The following ATAD3A variants were observed in gnomAD, a reference collection of about 807,000 sequenced individuals.
ATAD3A encodes ATPase family AAA domain containing 3A.
In ATAD3A, 46 loss-of-function variants were observed where a neutral mutation model predicts 73.8. The observed-to-expected ratio is 0.62, with a 90% CI of 0.49 to 0.80. The LOEUF is 0.80. ATAD3A is among the 30% of genes least tolerant of loss of function. The pLI is 0.00. For synonymous variants in ATAD3A, 319 were observed against 350.0 expected, an observed-to-expected ratio of 0.91 and a Z score of 0.99; for missense variants, 705 against 838.0, an observed-to-expected ratio of 0.84 and a Z score of 1.96.
In ATAD3A at chr1:1,534,439, T is replaced by G; in HGVS notation, c.*367T>G. The stretch of plus-strand genomic sequence containing the variant: ...GCAGGAGCCAGGCAGGTGATGTCTT[T>G]GTTCTCGGCTCCCACAGCAGAGCCA... On this transcript the variant is annotated 3_prime_UTR_variant, in exon 16 of 16. Transcript: ENST00000378756. 8.1e-7 allele frequency: 1 copy of G among 1,242,178 alleles called. No homozygotes were observed. Among genetic ancestry groups the G allele is most frequent in the South Asian group, 2.5e-5 (1 of 40,646 alleles). 76.9% of individuals were successfully genotyped at this position (1,242,178 alleles called of 1,614,324 possible).
intron 1 of ATAD3A, 24 bp downstream of exon 1, chr1:1,512,497 C>A: frequency 1.4e-6 from 1 of 736,494 alleles, no homozygotes. Flanking sequence ...GGCGGGGCGG[C>A]GCGGGCGGGC....
At chr1:1,528,832 C>G (rs1225967519) in intron 14 of ATAD3A, among the ~76,000 whole-genome samples, 1 of 152,260 alleles carries the variant, frequency 6.6e-6, no homozygotes, top group Non-Finnish European at 1.5e-5. Flanking sequence ...ATGCCCTCCC[C>G]TTCCCTGGGC....
At chr1:1,526,212 G>A (rs1641837966) in intron 12 of ATAD3A, among the ~76,000 whole-genome samples, 1 of 151,838 alleles carries the variant, frequency 6.6e-6, no homozygotes, top group Admixed American at 6.6e-5. Flanking sequence ...GTAGAGACGG[G>A]GTCTCACCAT....
rs1361618954 is a variant in ATAD3A, at chr1:1,520,773, C to T, written c.750+156C>T. On this transcript the variant is annotated intron_variant, in intron 7 of 15. Transcript: ENST00000378756. This position sits in a 1 kb window ranked among gnomAD's most constrained non-coding sequence, Gnocchi z 4.0. ...GTTGTACCTGCTGGCCTCGGCTTCT[C>T]CTCCCTTCTCAAGCTGGGAGAAGAA... 6.6e-6 allele frequency among the ~76,000 whole-genome samples: 1 copy of T among 152,206 alleles called. No individual in the cohort carries two copies. The highest frequency in any genetic ancestry group is 1.5e-5 in the Non-Finnish European group (1 of 68,034).
intron 4 of ATAD3A, 150 bp downstream of exon 4, chr1:1,517,925 G>A (rs1323377538): frequency 1.5e-5 from 15 of 998,336 alleles, no homozygotes; most frequent in East Asian, 2.4e-5. Flanking sequence ...GGACAGACAC[G>A]CACCAGCACA....
chr1:1,523,647 T>G lies in ATAD3A; in HGVS notation c.963+80T>G. On this transcript the variant is annotated intron_variant, in intron 9 of 15. Transcript: ENST00000378756. The surrounding 1 kb of genome is among the most constrained non-coding windows in gnomAD (Gnocchi z 5.1). ...GCCGGGCTGTGGCCCTTGCTGGCGC[T>G]CGTGGTGGCACCCAGGAGCTTTTGG... 1 of 1,604,190 alleles carries G rather than the reference T, an allele frequency of 6.2e-7. No homozygotes were observed. Among genetic ancestry groups the G allele is most frequent in the South Asian group, 1.1e-5 (1 of 90,282 alleles).
rs774297010 is a variant in ATAD3A, at chr1:1,522,886, G to A, written c.893G>A (p.Arg298Gln). Reference protein sequence around the residue: ...TSRITVLEALRHPIQVSRRLL... With the variant: ...TSRITVLEALQHPIQVSRRLL... ...CGCATCACGGTGCTTGAGGCGCTGC[G>A]GCACCCCATCCAGGTAGCAGCGCAG... The change falls in exon 8 of 16, where the codon CGG becomes CAG. Residue 298 changes from arginine (R) to glutamine (Q), a missense_variant. Around this residue, in one of 5 missense-constraint regions of ATAD3A, gnomAD observed 315 missense variants for 334.1 expected, o/e 0.94. Coordinates refer to ENST00000378756, the MANE Select transcript of ATAD3A (RefSeq NM_001170535.3). 2.5e-6 allele frequency: 4 copies of A among 1,608,274 alleles called. No homozygotes were observed. Among genetic ancestry groups the A allele is most frequent in the African/African-American group, 1.4e-5 (1 of 73,594 alleles).
At chr1:1,518,153 C>G (rs1257180054) in intron 4 of ATAD3A, among the ~76,000 whole-genome samples, 1 of 150,220 alleles carries the variant, frequency 6.7e-6, no homozygotes, top group Non-Finnish European at 1.5e-5. Context: ...AAACATACCC[C>G]CACACAACAC....
chr1:1,523,097 G>C lies in ATAD3A; in HGVS notation c.906+198G>C, dbSNP rs1255006678. On this transcript the variant is annotated intron_variant, in intron 8 of 15. Coordinates refer to ENST00000378756, the MANE Select transcript of ATAD3A (RefSeq NM_001170535.3). The surrounding 1 kb of genome is among the most constrained non-coding windows in gnomAD (Gnocchi z 5.1). ...CATCAGTGAGACCCTTCCCCTGTCTGCCTCGGTGTCCCCTGCTCAGGGCTC... is the reference window on the plus strand; with the variant it reads ...CATCAGTGAGACCCTTCCCCTGTCTCCCTCGGTGTCCCCTGCTCAGGGCTC... 1.3e-5 allele frequency among the ~76,000 whole-genome samples: 2 copies of C among 151,920 alleles called. No individual in the cohort carries two copies. Among genetic ancestry groups the C allele is most frequent in the African/African-American group, 4.8e-5 (2 of 41,260 alleles).
chr1:1,528,686 C>A (rs1435762544), intron 14 of ATAD3A, among the ~76,000 whole-genome samples: 1 of 152,254 alleles, frequency 6.6e-6, no homozygotes, highest in Non-Finnish European at 1.5e-5. Context: ...TTCTTGGCGT[C>A]CCCCGGGCCC....
Position 1,534,244 on chromosome 1 carries a change from C to G in ATAD3A, c.*172C>G. 1 of 1,495,464 alleles carries G rather than the reference C, an allele frequency of 6.7e-7. No homozygotes were observed. The highest frequency in any genetic ancestry group is 8.9e-7 in the Non-Finnish European group (1 of 1,126,604). 92.6% of individuals were successfully genotyped at this position (1,495,464 alleles called of 1,614,324 possible). On this transcript the variant is annotated 3_prime_UTR_variant, in exon 16 of 16. Coordinates refer to ENST00000378756, the MANE Select transcript of ATAD3A (RefSeq NM_001170535.3). ...GGGTCGGCCGTTCTGCCCCCCAGGG[C>G]ACCCCCTGTTGTAGGCACTGGCTAG...
Position 1,522,815 on chromosome 1 carries a change from C to T in ATAD3A, c.822C>T (p.Phe274=). 6.2e-7 allele frequency: 1 copy of T among 1,611,134 alleles called. No homozygotes were observed. Among genetic ancestry groups the T allele is most frequent in the Non-Finnish European group, 8.5e-7 (1 of 1,179,768 alleles). ...AKNATLVAGR[F]IEARLGKPSL... is the part of the protein sequence containing the mutation. ...ATGCCACGCTTGTCGCCGGCCGCTT[C>T]ATCGAGGCTCGGCTGGGGAAGCCGT... The change falls in exon 8 of 16, where the codon TTC becomes TTT. Residue 274 remains phenylalanine, a synonymous_variant. Transcript: ENST00000378756.
chr1:1,513,862 G>A (rs1043079680), intron 1 of ATAD3A, among the ~76,000 whole-genome samples: 8 of 152,088 alleles, frequency 5.3e-5, no homozygotes, highest in African/African-American at 1.7e-4. Flanking sequence ...CCAGGCAAAC[G>A]GGCGGCTCCT....
chr1:1,514,410 G>A (rs573059887), intron 1 of ATAD3A, among the ~76,000 whole-genome samples: 208 of 152,058 alleles, frequency 1.4e-3, no homozygotes, highest in African/African-American at 4.8e-3. Context: ...GCCCGGGGTC[G>A]CTTCAGCCCT....
Position 1,525,277 on chromosome 1 carries a change from C to G in ATAD3A, c.1252C>G (p.Arg418Gly). 6.2e-7 allele frequency: 1 copy of G among 1,613,786 alleles called. No individual in the cohort carries two copies. Among genetic ancestry groups the G allele is most frequent in the Non-Finnish European group, 8.5e-7 (1 of 1,179,984 alleles). The change falls in exon 12 of 16, where the codon CGG becomes GGG. Residue 418 changes from arginine to glycine, a missense_variant. Transcript: ENST00000378756. ...TGTGGATGAAGCGGACGCCTTCCTT[C>G]GGAAGCGAGCCACCGTGAGTGTCAC... ...LFVDEADAFLRKRATEKISED... is the reference protein window; with the variant it reads ...LFVDEADAFLGKRATEKISED...
At chr1:1,527,926 A>G in intron 14 of ATAD3A, 64 bp downstream of exon 14, 2 of 1,490,220 alleles carry the variant, frequency 1.3e-6, no homozygotes, top group Non-Finnish European at 1.8e-6. Flanking sequence ...CCCGACCCAC[A>G]GTCCACCATC....
At chr1:1,526,383 A>G (rs1238013523) in intron 12 of ATAD3A, 78 bp from the exon 13 acceptor site, 73 of 1,564,996 alleles carry the variant, frequency 4.7e-5, no homozygotes, top group Non-Finnish European at 6.3e-5. Context: ...TGCAGGAGGG[A>G]GGCCTGTGGG....
At chr1:1,533,383 A>G (rs1186954147) in intron 15 of ATAD3A, among the ~76,000 whole-genome samples, 1 of 152,198 alleles carries the variant, frequency 6.6e-6, no homozygotes, top group African/African-American at 2.4e-5. Flanking sequence ...AAGCCACACC[A>G]AGGGCCACAG....
intron 13 of ATAD3A, among the ~76,000 whole-genome samples, chr1:1,527,442 T>C (rs1641887317): frequency 6.6e-6 from 1 of 152,200 alleles, no homozygotes; most frequent in East Asian, 1.9e-4. Flanking sequence ...GAGAGAGTGG[T>C]GTTCCCGGCA....
Sources: allele counts gnomAD v4.1 joint callset (sites outside exome capture counted in the v4.1 genomes callset), GRCh38; gene constraint gnomAD v4.1.1; regional missense constraint gnomAD v4.1.1; non-coding constraint Gnocchi (gnomAD v3.1); transcripts MANE v1.5; gene names NCBI Gene and HGNC (gene_info 2026-07-23, HGNC 2026-07-21).